Variants in GHR observed in about 807,000 individuals in gnomAD.
GHR encodes growth hormone receptor.
A neutral mutation model predicts 67.1 loss-of-function variants in GHR; 35 were observed. The ratio of observed to expected loss-of-function variants is 0.52; its 90% CI spans 0.40 to 0.69. The LOEUF is 0.69. Among genes scored for constraint, GHR ranks in the 30% least tolerant of loss-of-function variants. GHR has a pLI of 0.00. For missense variants in GHR, 792 were observed against 764.6 expected, an observed-to-expected ratio of 1.04 and a Z score of -0.42; for synonymous variants, 272 against 269.1, an observed-to-expected ratio of 1.01 and a Z score of -0.10.
At chr5:42,474,421 G>T (rs1166025317) in intron 1 of GHR, among the ~76,000 whole-genome samples, 1 of 152,144 alleles carries the variant, frequency 6.6e-6, no homozygotes. Context: ...GAAGTGCCTG[G>T]TTTAGGATGG....
At chr5:42,448,692 T>TTC (rs1214066693) in intron 1 of GHR, among the ~76,000 whole-genome samples, 4 of 151,918 alleles carry the variant, frequency 2.6e-5, no homozygotes, top group Non-Finnish European at 5.9e-5. Flanking sequence ...GGGTTTTTGC[T>TTC]CATGAGTTCT....
chr5:42,695,468 G>A (rs1224526473), intron 5 of GHR, among the ~76,000 whole-genome samples: 1 of 152,180 alleles, frequency 6.6e-6, no homozygotes, highest in Non-Finnish European at 1.5e-5. Flanking sequence ...CAAATTCACT[G>A]AAATACGTTG....
At chr5:42,459,567 G>T (rs1031686556) in intron 1 of GHR, among the ~76,000 whole-genome samples, 11 of 152,106 alleles carry the variant, frequency 7.2e-5, no homozygotes, top group Non-Finnish European at 1.5e-4. Context: ...CAGATACTAT[G>T]CTTATTACCT....
intron 1 of GHR, among the ~76,000 whole-genome samples, chr5:42,518,769 A>G (rs1265011716): frequency 6.6e-6 from 1 of 152,208 alleles, no homozygotes; most frequent in African/African-American, 2.4e-5. Flanking sequence ...AACCATGTTG[A>G]TATCTGATCC....
intron 1 of GHR, among the ~76,000 whole-genome samples, chr5:42,464,714 G>C (rs2112067195): frequency 6.6e-6 from 1 of 152,234 alleles, no homozygotes; most frequent in South Asian, 2.1e-4. Flanking sequence ...TTTAACCCTA[G>C]GACATCCCTA....
At position 42,719,049 on chromosome 5, in the gene GHR, T is replaced by G. The variant is rs148945224; in HGVS notation, c.1542T>G (p.Cys514Trp). The stretch of plus-strand genomic sequence containing the variant: ...AGAATAAGGCAGGGATGTCCCAATG[T>G]GACATGCACCCGGAAATGGTCTCAC... ...GQKNKAGMSQ[C>W]DMHPEMVSLC... Residue 514 changes from cysteine (C) to tryptophan (W), a missense_variant, in exon 10 of 10, where the codon TGT becomes TGG. Coordinates refer to ENST00000230882, the MANE Select transcript of GHR (RefSeq NM_000163.5). 263 of 1,609,584 alleles carry G rather than the reference T, an allele frequency of 1.6e-4. No individual in the cohort carries two copies. The African/African-American group carries it at 3.3e-3, about 20-fold the overall frequency.
At chr5:42,567,380 A>G (rs1158265226) in intron 2 of GHR, among the ~76,000 whole-genome samples, 3 of 152,228 alleles carry the variant, frequency 2.0e-5, no homozygotes, top group African/African-American at 7.2e-5. Context: ...CTGCTTCGAC[A>G]TTTTACTAAA....
At chr5:42,692,023 C>T (rs1362160835) in intron 4 of GHR, among the ~76,000 whole-genome samples, 1 of 152,192 alleles carries the variant, frequency 6.6e-6, no homozygotes, top group Non-Finnish European at 1.5e-5. Context: ...CTGTATCCCC[C>T]ACCTCTTCCA....
intron 1 of GHR, chr5:42,548,529 G>A: frequency 1.0e-6 from 1 of 976,874 alleles, no homozygotes; most frequent in Non-Finnish European, 1.2e-6. Flanking sequence ...CCGGACTATT[G>A]GTTAGTATTC....
rs534627417 is a variant in GHR at position 42,711,207 on chromosome 5, A to G, written c.619A>G (p.Met207Val). 4.3e-6 allele frequency: 7 copies of G among 1,611,872 alleles called. No individual in the cohort carries two copies. The East Asian group carries it at 6.7e-5, about 15-fold the overall frequency. Residue 207 changes from methionine to valine, a missense_variant and splice_region_variant, in exon 7 of 10, where the codon ATG (methionine) becomes GTG (valine). Physicochemically the swap from Met to Val is conservative, Grantham distance 21. Coordinates refer to ENST00000230882, the MANE Select transcript of GHR (RefSeq NM_000163.5). ...ATGCGTTTATATTTTGTCTTGAAAG[A>G]TGGACCCTATATTGACAACATCAGT... ...KEVNETKWKM[M>V]DPILTTSVPV...
At chr5:42,513,795 C>T (rs1424440715) in intron 1 of GHR, among the ~76,000 whole-genome samples, 1 of 151,642 alleles carries the variant, frequency 6.6e-6, no homozygotes, top group Non-Finnish European at 1.5e-5. Flanking sequence ...AAAAAAAAAG[C>T]TTCAGCAGGG....
chr5:42,465,142 A>G (rs1362455426), intron 1 of GHR, among the ~76,000 whole-genome samples: 1 of 152,186 alleles, frequency 6.6e-6, no homozygotes, highest in Non-Finnish European at 1.5e-5. Flanking sequence ...TTTAATGAAA[A>G]GCAGAGGGGT....
intron 1 of GHR, among the ~76,000 whole-genome samples, chr5:42,490,450 C>T (rs1057169558): frequency 1.2e-4 from 19 of 152,212 alleles, no homozygotes; most frequent in Admixed American, 3.3e-4. Flanking sequence ...TTGGCATATG[C>T]CTCTTTGCTG....
chr5:42,467,240 T>G, intron 1 of GHR: 1 of 1,399,638 alleles, frequency 7.1e-7, no homozygotes, highest in South Asian at 1.2e-5. Flanking sequence ...GCAGTGTGAA[T>G]TATCTGGTAC....
At chr5:42,461,709 G>T (rs1744494286) in intron 1 of GHR, among the ~76,000 whole-genome samples, 1 of 152,148 alleles carries the variant, frequency 6.6e-6, no homozygotes, top group South Asian at 2.1e-4. Context: ...GCAGCCAGTT[G>T]TGTTTTGCTG....
intron 1 of GHR, among the ~76,000 whole-genome samples, chr5:42,441,611 G>A (rs1333853299): frequency 6.6e-6 from 1 of 151,920 alleles, no homozygotes; most frequent in East Asian, 1.9e-4. Context: ...CTGGGTTCAC[G>A]CCATTCTCCT....
At chr5:42,598,758 C>A (rs546677049) in intron 2 of GHR, among the ~76,000 whole-genome samples, 15 of 152,306 alleles carry the variant, frequency 9.8e-5, no homozygotes, top group African/African-American at 3.4e-4. Flanking sequence ...CCTCCTTCTG[C>A]CTCTAGTTCC....
At chr5:42,442,981 A>G (rs1313546362) in intron 1 of GHR, among the ~76,000 whole-genome samples, 1 of 152,222 alleles carries the variant, frequency 6.6e-6, no homozygotes, top group Non-Finnish European at 1.5e-5. Context: ...CCTAGGGACC[A>G]GATGCTTTGG....
intron 2 of GHR, among the ~76,000 whole-genome samples, chr5:42,625,855 A>G (rs1753675237): frequency 6.6e-6 from 1 of 152,060 alleles, no homozygotes; most frequent in Non-Finnish European, 1.5e-5. Context: ...GATTCTCTAT[A>G]GAATGTGGAT....
Sources: allele counts gnomAD v4.1 joint callset (sites outside exome capture counted in the v4.1 genomes callset), GRCh38; gene constraint gnomAD v4.1.1; transcripts MANE v1.5; gene names NCBI Gene and HGNC (gene_info 2026-07-23, HGNC 2026-07-21).